The following GRIK2 variants were observed in gnomAD, a reference collection of about 807,000 sequenced individuals.
GRIK2 encodes the protein glutamate receptor ionotropic, kainate 2.
A neutral mutation model predicts 100.3 loss-of-function variants in GRIK2; 32 were observed. The observed-to-expected ratio is 0.32, with a 90% CI of 0.24 to 0.43. GRIK2 has a LOEUF of 0.43. GRIK2 is among the 20% of genes least tolerant of loss of function. GRIK2 has a pLI of 1.00. For synonymous variants in GRIK2, 417 were observed against 389.4 expected (o/e 1.07, Z -0.83); for missense variants, 843 against 1,114.9 (o/e 0.76, Z 3.47).
At chr6:101,957,250 C>T (rs59114973) in intron 14 of GRIK2, among the ~76,000 whole-genome samples, 2,485 of 92,342 alleles carry the variant, frequency 0.027, 68 homozygotes, top group African/African-American at 0.096. Flanking sequence ...TAATTTGTGC[C>T]GTTGAACATT....
At chr6:101,398,104 A>G (rs936060823) in intron 1 of GRIK2, among the ~76,000 whole-genome samples, 1 of 152,148 alleles carries the variant, frequency 6.6e-6, no homozygotes, top group Non-Finnish European at 1.5e-5. Context: ...ATGATAAGAC[A>G]GTTTTAGAGG....
intron 2 of GRIK2, among the ~76,000 whole-genome samples, chr6:101,484,478 A>G (rs1192075308): frequency 6.6e-6 from 1 of 152,028 alleles, no homozygotes; most frequent in African/African-American, 2.4e-5. Context: ...AAACATTTTA[A>G]ATATTGCTAA....
intron 2 of GRIK2, among the ~76,000 whole-genome samples, chr6:101,466,516 C>T (rs1034889690): frequency 1.3e-5 from 2 of 151,054 alleles, no homozygotes; most frequent in African/African-American, 4.9e-5. Context: ...ACTATTTTTG[C>T]ATTAGTGAAA....
chr6:101,502,736 A>G (rs1773825812), intron 2 of GRIK2, among the ~76,000 whole-genome samples: 1 of 152,196 alleles, frequency 6.6e-6, no homozygotes, highest in South Asian at 2.1e-4. Context: ...TCAGTGTGCG[A>G]ATTGAAACAC....
chr6:101,406,536 G>A (rs1319993749), intron 2 of GRIK2, among the ~76,000 whole-genome samples: 2 of 152,012 alleles, frequency 1.3e-5, no homozygotes, highest in Non-Finnish European at 2.9e-5. Context: ...CTTATTTTAA[G>A]ACAAGTATAT....
At position 101,430,336 on chromosome 6, in the gene GRIK2, A is replaced by T. The variant is rs146719057; in HGVS notation, c.115+30944A>T. On this transcript the variant is annotated intron_variant, in intron 2 of 16. Coordinates refer to ENST00000369134, the MANE Select transcript of GRIK2 (RefSeq NM_021956.5). Reference sequence around the variant, plus strand: ...AAATTTCTTTTCAAAGGCTTACTCTAGTTTCATGAGACTAGCATGAAGTGT... The same window carrying T: ...AAATTTCTTTTCAAAGGCTTACTCTTGTTTCATGAGACTAGCATGAAGTGT... The T allele has an allele frequency of 4.3e-3, 668 of 155,974 alleles. 20 individuals carry two copies. Among genetic ancestry groups the T allele is most frequent in the Admixed American group, 0.041 (633 of 15,424 alleles). The allele number at this position is 155,974 out of a possible 1,614,324, so 9.7% of individuals were successfully genotyped here. A position where few individuals can be genotyped will look rare whatever the true frequency, so the allele number is the denominator to read the frequency against.
At position 101,758,179 on chromosome 6, in the gene GRIK2, T is replaced by C. The variant is rs80156718; in HGVS notation, c.952-41469T>C. 3.7e-4 allele frequency among the ~76,000 whole-genome samples: 57 copies of C among 152,280 alleles called. No homozygotes were observed. In the East Asian group the frequency reaches 9.3e-3, roughly 25 times the overall value. On this transcript the variant is annotated intron_variant, in intron 7 of 16. Transcript: ENST00000369134. ...GGGAGGTTGCATTGAGCCAAGATTG[T>C]ACCACTGCACTCTAGCCTGGGCAAC...
At chr6:101,993,962 A>G (rs1794516693) in intron 14 of GRIK2, 1 of 136,306 alleles carries the variant, frequency 7.3e-6, no homozygotes. Flanking sequence ...AAATGTATAT[A>G]TCTATATATA....
intron 2 of GRIK2, among the ~76,000 whole-genome samples, chr6:101,573,682 A>G (rs907287909): frequency 3.3e-5 from 5 of 152,210 alleles, no homozygotes; most frequent in East Asian, 1.9e-4. Flanking sequence ...TTCATTTTAT[A>G]TACTTATTTT....
At chr6:101,853,700 T>C (rs1394897086) in intron 10 of GRIK2, among the ~76,000 whole-genome samples, 1 of 152,136 alleles carries the variant, frequency 6.6e-6, no homozygotes, top group Non-Finnish European at 1.5e-5. Flanking sequence ...TTTTCTCCAG[T>C]GGGTGAGTGG....
intron 6 of GRIK2, among the ~76,000 whole-genome samples, chr6:101,685,832 G>GA (rs1428232159): frequency 2.0e-5 from 3 of 151,860 alleles, no homozygotes; most frequent in African/African-American, 7.3e-5. Flanking sequence ...GCAGGACACA[G>GA]AAAAAATTAA....
At chr6:101,835,169 A>G (rs538234338) in intron 10 of GRIK2, among the ~76,000 whole-genome samples, 1 of 152,044 alleles carries the variant, frequency 6.6e-6, no homozygotes, top group Non-Finnish European at 1.5e-5. Context: ...AATTTTTTCA[A>G]TTTTCACATT....
chr6:101,927,310 A>G (rs1582552480), intron 13 of GRIK2: 3 of 738,660 alleles, frequency 4.1e-6, no homozygotes, highest in Non-Finnish European at 5.0e-6. Context: ...ACCTTACTGC[A>G]TCAGAGATTA....
At chr6:101,601,053 G>A (rs1779185966) in intron 2 of GRIK2, among the ~76,000 whole-genome samples, 1 of 151,388 alleles carries the variant, frequency 6.6e-6, no homozygotes, top group South Asian at 2.1e-4. Context: ...TATGATGTTG[G>A]CTGTGTGTTT....
chr6:101,537,275 A>T (rs1775747742), intron 2 of GRIK2, among the ~76,000 whole-genome samples: 1 of 151,962 alleles, frequency 6.6e-6, no homozygotes, highest in East Asian at 1.9e-4. Flanking sequence ...ATTGTTGACA[A>T]ATCAACTGAA....
chr6:101,533,532 G>C (rs980384355), intron 2 of GRIK2, among the ~76,000 whole-genome samples: 5 of 151,860 alleles, frequency 3.3e-5, no homozygotes, highest in African/African-American at 1.2e-4. Context: ...TCCTTTGTAA[G>C]GTATCATAGT....
chr6:102,004,756 T>A (rs1427642713), intron 14 of GRIK2, among the ~76,000 whole-genome samples: 1 of 151,922 alleles, frequency 6.6e-6, no homozygotes, highest in Non-Finnish European at 1.5e-5. Context: ...AGAATCAGAG[T>A]ATAATGTGCC....
chr6:101,787,139 T>G (rs955981339), intron 7 of GRIK2, among the ~76,000 whole-genome samples: 1 of 151,982 alleles, frequency 6.6e-6, no homozygotes, highest in Non-Finnish European at 1.5e-5. Flanking sequence ...AGGATTTTTT[T>G]GTATTTCAGT....
Position 101,399,332 on chromosome 6 carries a change from C to A in GRIK2, c.55C>A (p.Leu19Ile), listed in dbSNP as rs564947971. ...SNPVFRRTVK[L>I]LLCLLWIGYS... ...TCCAGTCTTCAGGCGCACCGTTAAA[C>A]TCCTGCTCTGTTTACTGTGGATTGG... Residue 19 changes from leucine (L) to isoleucine (I), a missense_variant, in exon 2 of 17, where the codon CTC becomes ATC. Transcript: ENST00000369134. 6 of 1,600,008 alleles carry A rather than the reference C, an allele frequency of 3.7e-6. 1 individual carries two copies. In the Admixed American group the frequency reaches 1.0e-4, roughly 27 times the overall value.
Sources: allele counts gnomAD v4.1 joint callset (sites outside exome capture counted in the v4.1 genomes callset), GRCh38; gene constraint gnomAD v4.1.1; transcripts MANE v1.5; gene names NCBI Gene and HGNC (gene_info 2026-07-23, HGNC 2026-07-21).